Variants in C20orf96 observed in about 807,000 individuals in gnomAD.
The protein encoded by C20orf96 is uncharacterized protein C20orf96.
In C20orf96, 57 loss-of-function variants were observed where a neutral mutation model predicts 52.6. That is an observed-to-expected ratio of 1.08 (90% CI 0.88 to 1.35). The LOEUF (loss-of-function observed/expected upper bound fraction) is 1.35. Ranked by LOEUF, C20orf96 falls within the 40% of genes most tolerant of loss-of-function variation. The pLI is 0.00. For synonymous variants in C20orf96, 168 were observed against 157.2 expected (o/e 1.07, Z -0.51); for missense variants, 478 against 443.6 (o/e 1.08, Z -0.70).
In C20orf96 at chr20:279,294, G is replaced by GCTCTCGCAGAGCGGCC; in HGVS notation, c.327_342dup (p.Leu115GlyfsTer10). The GCTCTCGCAGAGCGGCC allele has an allele frequency of 6.2e-7, 1 of 1,608,986 alleles. No homozygotes were observed. Among genetic ancestry groups the GCTCTCGCAGAGCGGCC allele is most frequent in the Non-Finnish European group, 8.5e-7 (1 of 1,179,096 alleles). On this transcript the variant is annotated frameshift_variant, in exon 5 of 11. Coordinates refer to ENST00000360321, the MANE Select transcript of C20orf96 (RefSeq NM_153269.3). LOFTEE classifies it high-confidence loss of function. ...CTGAGGAAGTTCTCACGGCTTCGGAGCTCTCGCAGAGCGGCCCTCCCGCTC... is the reference window on the plus strand; with the variant it reads ...CTGAGGAAGTTCTCACGGCTTCGGAGCTCTCGCAGAGCGGCCCTCTCGCAGAGCGGCCCTCCCGCTC...
At chr20:279,356 G>A (rs777882553) in intron 4 of C20orf96, 26 bp from the exon 5 acceptor site, 1 of 1,595,858 alleles carries the variant, frequency 6.3e-7, no homozygotes, top group South Asian at 1.1e-5. Context: ...AGAGCAGAGA[G>A]GCGGCGCTGC....
At chr20:290,426 G>A in intron 1 of C20orf96, 119 bp from the exon 2 acceptor site, 4 of 1,546,824 alleles carry the variant, frequency 2.6e-6, no homozygotes, top group Non-Finnish European at 3.5e-6. Context: ...GGGGACAATA[G>A]CCCCGCGGGA....
In C20orf96 at chr20:279,078, G is replaced by C. The variant is rs1172345701; in HGVS notation, c.465+94C>G. The C allele has an allele frequency of 5.5e-5, 35 of 632,480 alleles. 2 individuals are homozygous for C. The highest frequency in any genetic ancestry group is 6.3e-5 in the Non-Finnish European group (30 of 478,292). 39.2% of individuals were successfully genotyped at this position (632,480 alleles called of 1,614,324 possible). On this transcript the variant is annotated intron_variant, in intron 5 of 10. Coordinates refer to ENST00000360321, the MANE Select transcript of C20orf96 (RefSeq NM_153269.3). Reference sequence around the variant, plus strand: ...CGGGACGGAGGGAGGGAGGGAGGGAGGGACGGAGGGCGGGACGGAGGGACG... The same window carrying C: ...CGGGACGGAGGGAGGGAGGGAGGGACGGACGGAGGGCGGGACGGAGGGACG...
chr20:288,174 C>CTTTTTCTTTTTCTTTTTTTTTTTTTT (rs760222046), intron 3 of C20orf96, among the ~76,000 whole-genome samples: 12 of 66,032 alleles, frequency 1.8e-4, no homozygotes, highest in East Asian at 5.4e-4. Flanking sequence ...TTTTCTTTTT[C>CTTTTTCTTTTTCTTTTTTTTTTTTTT]TTTTTTTTTT....
intron 9 of C20orf96, chr20:276,378 T>G: frequency 1.0e-6 from 1 of 985,206 alleles, no homozygotes; most frequent in African/African-American, 1.7e-5. Context: ...CTGGCAGAGA[T>G]AGTGAAGGGC....
intron 10 of C20orf96, 38 bp from the exon 11 acceptor site, chr20:271,305 A>C: frequency 2.6e-6 from 4 of 1,515,614 alleles, no homozygotes; most frequent in Non-Finnish European, 3.6e-6. Context: ...GAGAGACCAG[A>C]GGTGGCGGTG....
At chr20:279,401 A>G in intron 4 of C20orf96, 71 bp from the exon 5 acceptor site, 1 of 1,481,734 alleles carries the variant, frequency 6.7e-7, no homozygotes, top group Non-Finnish European at 8.9e-7. Context: ...AAGCCCGTGG[A>G]CCCGCCGCCC....
In C20orf96 at chr20:276,860, T is replaced by G; in HGVS notation, c.845A>C (p.Glu282Ala). The G allele has an allele frequency of 6.2e-6, 10 of 1,614,022 alleles. No homozygotes were observed. Among genetic ancestry groups the G allele is most frequent in the Non-Finnish European group, 8.5e-6 (10 of 1,179,956 alleles). Residue 282 changes from glutamate (E) to alanine (A), a missense_variant, in exon 9 of 11, where the codon GAA (glutamate) becomes GCA (alanine). Coordinates refer to ENST00000360321, the MANE Select transcript of C20orf96 (RefSeq NM_153269.3). The part of the protein sequence containing the change: ...SVVAETQRPY[E>A]EALLQKMWES... ...CCACATCTTCTGTAGGAGAGCCTCT[T>G]CATAGGGACGCTGGGTTTCCTGTGG...
intron 10 of C20orf96, among the ~76,000 whole-genome samples, chr20:273,475 G>T (rs543888516): frequency 6.6e-6 from 1 of 152,140 alleles, no homozygotes; most frequent in South Asian, 2.1e-4. Flanking sequence ...ACTCAGCTCC[G>T]TGTCAATGCC....
chr20:288,834 A>G (rs1185780191), intron 3 of C20orf96, among the ~76,000 whole-genome samples: 1 of 152,230 alleles, frequency 6.6e-6, no homozygotes, highest in Non-Finnish European at 1.5e-5. Context: ...CCAAAGAAAT[A>G]TTACAAAATA....
intron 4 of C20orf96, among the ~76,000 whole-genome samples, chr20:281,818 T>C (rs2012261970): frequency 6.6e-6 from 1 of 152,112 alleles, no homozygotes; most frequent in Non-Finnish European, 1.5e-5. Flanking sequence ...CTACGAAAAT[T>C]AGCTGGGCAT....
At chr20:283,771 A>G (rs1334602644) in intron 4 of C20orf96, among the ~76,000 whole-genome samples, 192 bp downstream of exon 4, 3 of 152,150 alleles carry the variant, frequency 2.0e-5, no homozygotes, top group Non-Finnish European at 2.9e-5. Flanking sequence ...GACCTGGTGC[A>G]TGTCATTTAT....
At chr20:271,540 A>G (rs1357725608) in intron 10 of C20orf96, among the ~76,000 whole-genome samples, 2 of 152,130 alleles carry the variant, frequency 1.3e-5, no homozygotes, top group Non-Finnish European at 2.9e-5. Context: ...TCCCCTGACA[A>G]GTCTGAGGTC....
At position 276,385 on chromosome 20, in the gene C20orf96, G is replaced by A. The variant is rs3827152; in HGVS notation, c.913-299C>T. On this transcript the variant is annotated intron_variant, in intron 9 of 10. Transcript: ENST00000360321. ...AATGGAGGCTGGCAGAGATAGTGAA[G>A]GGCATACACATTAAAAACCAGTGAA... 426 of 985,334 alleles carry A rather than the reference G, an allele frequency of 4.3e-4. 6 individuals are homozygous for A. The East Asian group carries it at 0.025, about 58-fold the overall frequency. 61.0% of individuals were successfully genotyped at this position (985,334 alleles called of 1,614,324 possible).
intron 10 of C20orf96, 141 bp downstream of exon 10, chr20:275,827 C>T: frequency 1.3e-6 from 1 of 778,362 alleles, no homozygotes; most frequent in Admixed American, 2.0e-5. Flanking sequence ...GTGGCAGATC[C>T]AAGGTGGAAA....
At chr20:284,981 A>T (rs1050486700) in intron 3 of C20orf96, among the ~76,000 whole-genome samples, 4 of 152,222 alleles carry the variant, frequency 2.6e-5, no homozygotes, top group Non-Finnish European at 5.9e-5. Flanking sequence ...AAATGGGAAT[A>T]ATCATCACGC....
rs202088290 is a variant in C20orf96 at position 279,252 on chromosome 20, G to A, written c.385C>T (p.Leu129=). Residue 129 remains leucine (L), a synonymous_variant, in exon 5 of 11, where the codon CTG becomes TTG. Coordinates refer to ENST00000360321, the MANE Select transcript of C20orf96 (RefSeq NM_153269.3). ...ENFLSKLNRE[L]IETIQEMENS... is the part of the protein sequence containing the mutation. ...TCCATCTCCTGGATGGTCTCGATCA[G>A]CTCCCGGTTGAGCTTGCTGAGGAAG... 9 of 1,611,188 alleles carry A rather than the reference G, an allele frequency of 5.6e-6. No individual in the cohort carries two copies. The East Asian group carries it at 1.6e-4, about 28-fold the overall frequency.
chr20:278,811 T>C lies in C20orf96; in HGVS notation c.465+361A>G, dbSNP rs536964521. Among the ~76,000 whole-genome samples the C allele has an allele frequency of 9.7e-5, 14 of 144,216 alleles. No homozygotes were observed. The South Asian group carries it at 2.6e-3, about 27-fold the overall frequency. The allele number at this position is 144,216 out of a possible 152,430, so 94.6% of individuals were successfully genotyped here. On this transcript the variant is annotated intron_variant, in intron 5 of 10. Transcript: ENST00000360321. Reference sequence around the variant, plus strand: ...TGCTGGCGCGCTGGGATGAAACCCATCTCGGTCCTCTTGCAAAGCCCAGGT... The same window carrying C: ...TGCTGGCGCGCTGGGATGAAACCCACCTCGGTCCTCTTGCAAAGCCCAGGT...
chr20:290,553 C>T, intron 1 of C20orf96, 38 bp downstream of exon 1: 2 of 1,591,614 alleles, frequency 1.3e-6, no homozygotes, highest in African/African-American at 1.5e-5. Flanking sequence ...CGTATTCCGC[C>T]TTTCTTCCAA....
Sources: allele counts gnomAD v4.1 joint callset (sites outside exome capture counted in the v4.1 genomes callset), GRCh38; gene constraint gnomAD v4.1.1; transcripts MANE v1.5; gene names NCBI Gene and HGNC (gene_info 2026-07-23, HGNC 2026-07-21).